Variants in KSR2 observed in about 807,000 individuals in gnomAD.
KSR2 encodes kinase suppressor of ras 2.
A neutral mutation model predicts 107.8 loss-of-function variants in KSR2; 25 were observed. The observed-to-expected ratio is 0.23, with a 90% CI of 0.17 to 0.32. KSR2 has a LOEUF of 0.32. Ranked by LOEUF, KSR2 falls within the 10% of genes least tolerant of loss-of-function variation. The probability of loss-of-function intolerance (pLI) is 1.00; values close to 1 mark genes in which losing one functional copy is unlikely to be tolerated. For synonymous variants in KSR2, 480 were observed against 507.0 expected, an observed-to-expected ratio of 0.95 and a Z score of 0.71; for missense variants, 887 against 1,268.9, an observed-to-expected ratio of 0.70 and a Z score of 4.57.
chr12:117,945,877 G>A (rs944659457), intron 1 of KSR2, among the ~76,000 whole-genome samples: 1 of 152,060 alleles, frequency 6.6e-6, no homozygotes, highest in Non-Finnish European at 1.5e-5. Context: ...CTGGTAATTG[G>A]AAGTCCAGCA....
At chr12:117,874,708 A>G (rs1893772844) in intron 1 of KSR2, among the ~76,000 whole-genome samples, 1 of 152,154 alleles carries the variant, frequency 6.6e-6, no homozygotes, top group African/African-American at 2.4e-5. Flanking sequence ...AACGGTTGAG[A>G]AGCACAATTA....
intron 5 of KSR2, among the ~76,000 whole-genome samples, chr12:117,605,456 G>GTACA (rs1881173002): frequency 6.6e-6 from 1 of 152,156 alleles, no homozygotes; most frequent in Non-Finnish European, 1.5e-5. Flanking sequence ...AGGTAAATGT[G>GTACA]TGCCATGGTG....
intron 4 of KSR2, among the ~76,000 whole-genome samples, chr12:117,752,724 T>C (rs545837773): frequency 6.6e-6 from 1 of 152,352 alleles, no homozygotes; most frequent in South Asian, 2.1e-4. Flanking sequence ...AAAAAATATA[T>C]ATGTGATAGG....
chr12:117,689,715 A>AATAAAT (rs10589889), intron 4 of KSR2, among the ~76,000 whole-genome samples: 10 of 150,230 alleles, frequency 6.7e-5, no homozygotes, highest in African/African-American at 2.2e-4. Flanking sequence ...TATTTATACA[A>AATAAAT]ATAAATATAA....
At chr12:117,795,975 G>A (rs111924910) in intron 3 of KSR2, among the ~76,000 whole-genome samples, 7,888 of 152,270 alleles carry the variant, frequency 0.052, 675 homozygotes, top group African/African-American at 0.18. Flanking sequence ...CACCCAGGCT[G>A]AAGTGCAGTG....
At chr12:117,715,202 T>C (rs1172157995) in intron 4 of KSR2, among the ~76,000 whole-genome samples, 1 of 152,216 alleles carries the variant, frequency 6.6e-6, no homozygotes, top group Non-Finnish European at 1.5e-5. Context: ...GCAATAAGAA[T>C]CTGTGCTCCC....
At chr12:117,762,220 A>G (rs1889061363) in intron 3 of KSR2, among the ~76,000 whole-genome samples, 1 of 152,242 alleles carries the variant, frequency 6.6e-6, no homozygotes, top group South Asian at 2.1e-4. Context: ...ACTTTAAAGG[A>G]TAACTTTTCC....
At chr12:117,864,988 C>G (rs1019619218) in intron 1 of KSR2, among the ~76,000 whole-genome samples, 2 of 152,112 alleles carry the variant, frequency 1.3e-5, no homozygotes, top group African/African-American at 4.8e-5. Flanking sequence ...CCACCCCCGT[C>G]TGACCATCTG....
chr12:117,793,826 T>A (rs1413828733), intron 3 of KSR2, among the ~76,000 whole-genome samples: 11 of 102,044 alleles, frequency 1.1e-4, no homozygotes, highest in Admixed American at 4.2e-4. Flanking sequence ...ACATGCACAC[T>A]CACACCAACA....
At chr12:117,808,233 T>C (rs1234876530) in intron 3 of KSR2, among the ~76,000 whole-genome samples, 2 of 152,186 alleles carry the variant, frequency 1.3e-5, no homozygotes, top group Admixed American at 1.3e-4. Context: ...AGGGGCCCCT[T>C]GGACCTACCA....
intron 4 of KSR2, among the ~76,000 whole-genome samples, chr12:117,709,215 T>C (rs144674525): frequency 6.6e-6 from 1 of 152,298 alleles, no homozygotes; most frequent in East Asian, 1.9e-4. Context: ...TGCTTCCATA[T>C]TTCTCTTCCA....
At chr12:117,713,425 A>G (rs146759011) in intron 4 of KSR2, among the ~76,000 whole-genome samples, 90 of 152,316 alleles carry the variant, frequency 5.9e-4, no homozygotes, top group African/African-American at 2.1e-3. Flanking sequence ...TCTGATACAG[A>G]TATAGATTTT....
intron 1 of KSR2, among the ~76,000 whole-genome samples, chr12:117,862,563 T>C (rs984842257): frequency 1.3e-5 from 2 of 152,118 alleles, no homozygotes; most frequent in African/African-American, 4.8e-5. Context: ...GAGGATCACC[T>C]GAGCCCAGGA....
At chr12:117,783,427 C>G (rs1889953361) in intron 3 of KSR2, among the ~76,000 whole-genome samples, 1 of 152,196 alleles carries the variant, frequency 6.6e-6, no homozygotes, top group African/African-American at 2.4e-5. Flanking sequence ...GTTTCCTCAT[C>G]TGTAAAATGG....
At chr12:117,856,395 CTTCTT>C (rs1893103221) in intron 2 of KSR2, among the ~76,000 whole-genome samples, 1 of 152,162 alleles carries the variant, frequency 6.6e-6, no homozygotes, top group South Asian at 2.1e-4. Flanking sequence ...ATATATGAGT[CTTCTT>C]TTATAGCACT....
At chr12:117,761,764 C>T (rs1049664390) in intron 3 of KSR2, among the ~76,000 whole-genome samples, 5 of 152,130 alleles carry the variant, frequency 3.3e-5, no homozygotes, top group East Asian at 1.9e-4. Context: ...CCTGTTACAT[C>T]GTATGCATGT....
chr12:117,828,594 C>A (rs1160060908), intron 3 of KSR2, among the ~76,000 whole-genome samples: 2 of 152,222 alleles, frequency 1.3e-5, no homozygotes, highest in Non-Finnish European at 2.9e-5. Flanking sequence ...TTTATGAAAG[C>A]AAATGTACAA....
chr12:117,474,833 C>T (rs946622221), intron 17 of KSR2, among the ~76,000 whole-genome samples: 7 of 152,284 alleles, frequency 4.6e-5, no homozygotes. Context: ...GTCATCTCCA[C>T]GATAGCTCAA....
intron 14 of KSR2, among the ~76,000 whole-genome samples, chr12:117,511,850 G>A (rs1874043145): frequency 6.6e-6 from 1 of 152,160 alleles, no homozygotes; most frequent in Non-Finnish European, 1.5e-5. Context: ...ATGTCTCCTG[G>A]AAGTCAATGC....
Sources: allele counts gnomAD v4.1 joint callset (sites outside exome capture counted in the v4.1 genomes callset), GRCh38; gene constraint gnomAD v4.1.1; transcripts MANE v1.5; gene names NCBI Gene and HGNC (gene_info 2026-07-23, HGNC 2026-07-21).